Variants in FAF2 observed in about 807,000 individuals in gnomAD.
FAF2 encodes the protein FAS-associated factor 2.
A neutral mutation model predicts 62.3 loss-of-function variants in FAF2; 9 were observed. That is an observed-to-expected ratio of 0.14 (90% CI 0.09 to 0.25). FAF2 has a LOEUF of 0.25. Among genes scored for constraint, FAF2 ranks in the 10% least tolerant of loss-of-function variants. The pLI is 1.00. For synonymous variants in FAF2, 202 were observed against 198.0 expected (o/e 1.02, Z -0.17); for missense variants, 368 against 556.2 (o/e 0.66, Z 3.40).
At chr5:176,471,045 C>T (rs1487697902) in intron 1 of FAF2, among the ~76,000 whole-genome samples, 1 of 152,196 alleles carries the variant, frequency 6.6e-6, no homozygotes, top group Non-Finnish European at 1.5e-5. Context: ...TTTGCTTAAG[C>T]CTATGAGTAC....
intron 1 of FAF2, among the ~76,000 whole-genome samples, chr5:176,472,954 A>G (rs1758600260): frequency 6.6e-6 from 1 of 152,056 alleles, no homozygotes; most frequent in African/African-American, 2.4e-5. Flanking sequence ...TAAACTTGTC[A>G]TTAGGAGAGA....
In FAF2 at chr5:176,500,152, G is replaced by A; in HGVS notation, c.1155+6G>A. 1 of 1,613,666 alleles carries A rather than the reference G, an allele frequency of 6.2e-7. No homozygotes were observed. ...ACTTTTCACAGTCTCTAACAGTAAGGACCACCTAAGTTCTGTGAAGTGTAT... is the reference window on the plus strand; with the variant it reads ...ACTTTTCACAGTCTCTAACAGTAAGAACCACCTAAGTTCTGTGAAGTGTAT... On this transcript the variant is annotated splice_donor_region_variant and intron_variant, in intron 10 of 10. Coordinates refer to ENST00000261942, the MANE Select transcript of FAF2 (RefSeq NM_014613.3).
intron 1 of FAF2, among the ~76,000 whole-genome samples, chr5:176,477,954 A>C (rs1310544375): frequency 1.3e-5 from 2 of 152,204 alleles, no homozygotes; most frequent in Admixed American, 1.3e-4. Flanking sequence ...GAGGATAGAG[A>C]CTACATCTTA....
chr5:176,475,746 G>A (rs1007414672), intron 1 of FAF2, among the ~76,000 whole-genome samples: 1 of 151,658 alleles, frequency 6.6e-6, no homozygotes, highest in Non-Finnish European at 1.5e-5. Context: ...CCAGCCTGGG[G>A]GACAAGAGCG....
At chr5:176,503,607 T>C (rs946887574) in intron 10 of FAF2, among the ~76,000 whole-genome samples, 1 of 151,770 alleles carries the variant, frequency 6.6e-6, no homozygotes, top group Admixed American at 6.6e-5. Flanking sequence ...CTTGGTCCTT[T>C]GTAAATAATC....
chr5:176,482,022 T>C (rs1758789931), intron 2 of FAF2, among the ~76,000 whole-genome samples: 1 of 152,132 alleles, frequency 6.6e-6, no homozygotes, highest in Admixed American at 6.5e-5. Flanking sequence ...CCAACACTTG[T>C]TAATATTTGT....
intron 10 of FAF2, among the ~76,000 whole-genome samples, chr5:176,504,274 G>A (rs576288820): frequency 9.2e-5 from 14 of 152,124 alleles, no homozygotes; most frequent in African/African-American, 2.9e-4. Flanking sequence ...TCAGGAGTTC[G>A]AGACCAGCCT....
At chr5:176,477,506 G>A (rs1018426602) in intron 1 of FAF2, among the ~76,000 whole-genome samples, 4 of 152,128 alleles carry the variant, frequency 2.6e-5, no homozygotes, top group Admixed American at 2.0e-4. Context: ...GAAGCCAGAA[G>A]GGAATAGGCA....
At position 176,457,104 on chromosome 5, in the gene FAF2, G is replaced by C. The variant is rs114667366; in HGVS notation, c.63+8634G>C. 6.7e-3 allele frequency among the ~76,000 whole-genome samples: 1,014 copies of C among 152,242 alleles called. 11 individuals carry two copies. Among genetic ancestry groups the C allele is most frequent in the African/African-American group, 0.023 (955 of 41,536 alleles). The stretch of plus-strand genomic sequence containing the variant: ...AACCTTGCAAAGTAGTATACATTCT[G>C]ATTACTCTGAGTAACAGATTACCTT... On this transcript the variant is annotated intron_variant, in intron 1 of 10. Coordinates refer to ENST00000261942, the MANE Select transcript of FAF2 (RefSeq NM_014613.3).
chr5:176,457,760 G>A (rs1330483748), intron 1 of FAF2, among the ~76,000 whole-genome samples: 1 of 151,848 alleles, frequency 6.6e-6, no homozygotes, highest in East Asian at 1.9e-4. Context: ...TGTGGGCCTT[G>A]GACTTTTCCA....
At position 176,507,137 on chromosome 5, in the gene FAF2, G is replaced by C; in HGVS notation, c.*187G>C. ...GGATCAGAAACCATGCTGCCCGTAAGAGTCACAACCTGTGTGTGCGCGCAA... is the reference window on the plus strand; with the variant it reads ...GGATCAGAAACCATGCTGCCCGTAACAGTCACAACCTGTGTGTGCGCGCAA... On this transcript the variant is annotated 3_prime_UTR_variant, in exon 11 of 11. Coordinates refer to ENST00000261942, the MANE Select transcript of FAF2 (RefSeq NM_014613.3). 1 of 315,918 alleles carries C rather than the reference G, an allele frequency of 3.2e-6. No homozygotes were observed. Among genetic ancestry groups the C allele is most frequent in the Non-Finnish European group, 5.4e-6 (1 of 186,606 alleles). 19.6% of individuals were successfully genotyped at this position (315,918 alleles called of 1,614,324 possible).
intron 1 of FAF2, among the ~76,000 whole-genome samples, chr5:176,449,607 T>G (rs1428701356): frequency 2.0e-5 from 3 of 152,026 alleles, no homozygotes; most frequent in African/African-American, 7.2e-5. Context: ...CTGAGGATGT[T>G]CGGGAGATCA....
intron 1 of FAF2, among the ~76,000 whole-genome samples, chr5:176,459,366 C>T (rs1324537365): frequency 6.6e-6 from 1 of 151,240 alleles, no homozygotes; most frequent in African/African-American, 2.4e-5. Flanking sequence ...TCAGGCACTC[C>T]TCCCACCTCA....
rs773244335 is a variant in FAF2 at position 176,477,107 on chromosome 5, CTT to C, written c.64-2064_64-2063del. ...ACAGGCGTGAGCCACCGTGCCCGGC[CTT>C]TTTTTTTTTTTTTTTTAAGTTGAGG... On this transcript the variant is annotated intron_variant, in intron 1 of 10. Transcript: ENST00000261942. Among the ~76,000 whole-genome samples the C allele has an allele frequency of 5.4e-4, 66 of 122,848 alleles. 1 individual carries two copies. The highest frequency in any genetic ancestry group is 2.2e-3 in the African/African-American group (61 of 27,954). 80.6% of individuals were successfully genotyped at this position (122,848 alleles called of 152,430 possible). A position where few individuals can be genotyped will look rare whatever the true frequency, so the allele number is the denominator to read the frequency against.
chr5:176,478,492 CG>C (rs1193507492), intron 1 of FAF2, among the ~76,000 whole-genome samples: 1 of 151,102 alleles, frequency 6.6e-6, no homozygotes, highest in African/African-American at 2.4e-5. Flanking sequence ...AAAAAAGTGG[CG>C]GGGGGTAGGG....
intron 1 of FAF2, among the ~76,000 whole-genome samples, chr5:176,452,165 C>T (rs1243529705): frequency 6.6e-6 from 1 of 151,680 alleles, no homozygotes; most frequent in Non-Finnish European, 1.5e-5. Flanking sequence ...TTAAGCTATT[C>T]TCTTGCCTCA....
intron 1 of FAF2, among the ~76,000 whole-genome samples, chr5:176,454,119 T>C (rs1758235446): frequency 6.9e-6 from 1 of 145,832 alleles, no homozygotes; most frequent in Non-Finnish European, 1.5e-5. Flanking sequence ...TTAAAAAATC[T>C]AGTAGGCTGG....
intron 1 of FAF2, among the ~76,000 whole-genome samples, chr5:176,452,383 A>G (rs1758204626): frequency 6.6e-6 from 1 of 152,178 alleles, no homozygotes; most frequent in South Asian, 2.1e-4. Context: ...TTAAGTATCT[A>G]CTATGCCTTA....
At position 176,489,009 on chromosome 5, in the gene FAF2, C is replaced by T. The variant is rs769791069; in HGVS notation, c.326C>T (p.Thr109Met). ...IMLPFRFTYY[T>M]ILDIFRFALR... is the part of the protein sequence containing the mutation. ...CTTCCATTCCGGTTTACCTATTACA[C>T]GATACTTGATATATTTAGGTATGTA... The change falls in exon 4 of 11, where the codon ACG becomes ATG. Residue 109 changes from threonine (T) to methionine (M), a missense_variant. Physicochemically the swap from Thr to Met is moderately conservative, Grantham distance 81. Coordinates refer to ENST00000261942, the MANE Select transcript of FAF2 (RefSeq NM_014613.3). The T allele has an allele frequency of 9.3e-6, 15 of 1,612,866 alleles. 1 individual carries two copies. The highest frequency in any genetic ancestry group is 2.2e-5 in the South Asian group (2 of 91,052).
Sources: gnomAD v4.1 joint callset for allele counts (sites outside exome capture counted in the v4.1 genomes callset) on GRCh38, gnomAD v4.1.1 for gene constraint, MANE v1.5 for transcripts, NCBI Gene and HGNC (gene_info 2026-07-23, HGNC 2026-07-21) for gene names.